Variants in CAMSAP2 observed in about 807,000 individuals in gnomAD.
CAMSAP2 encodes calmodulin regulated spectrin associated protein family member 2.
Under a neutral mutation model 146.1 loss-of-function variants are expected in CAMSAP2, and 26 were observed. The ratio of observed to expected loss-of-function variants is 0.18; its 90% CI spans 0.13 to 0.25. The LOEUF (loss-of-function observed/expected upper bound fraction) is 0.25. Among genes scored for constraint, CAMSAP2 ranks in the 10% least tolerant of loss-of-function variants. The pLI is 1.00. For synonymous variants in CAMSAP2, 499 were observed against 596.6 expected (o/e 0.84, Z 2.38); for missense variants, 1,381 against 1,759.3 (o/e 0.78, Z 3.85).
chr1:200,794,565 A>T (rs1665833541), intron 2 of CAMSAP2, among the ~76,000 whole-genome samples: 1 of 152,194 alleles, frequency 6.6e-6, no homozygotes, highest in South Asian at 2.1e-4. Flanking sequence ...GTTCTTACTG[A>T]TATCTCCATA....
chr1:200,842,858 T>C (rs181766984), intron 7 of CAMSAP2, among the ~76,000 whole-genome samples: 425 of 151,584 alleles, frequency 2.8e-3, no homozygotes, highest in African/African-American at 9.5e-3. Context: ...TGCCTGTAAT[T>C]CCAGCTACTC....
chr1:200,794,836 A>G (rs1665843262), intron 2 of CAMSAP2, among the ~76,000 whole-genome samples: 1 of 152,254 alleles, frequency 6.6e-6, no homozygotes, highest in South Asian at 2.1e-4. Context: ...ACCTCCAGCC[A>G]TGTTGATGAG....
intron 10 of CAMSAP2, 34 bp downstream of exon 10, chr1:200,847,743 A>G: frequency 6.5e-7 from 1 of 1,529,586 alleles, no homozygotes; most frequent in Non-Finnish European, 9.0e-7. Flanking sequence ...GTGTATTCAG[A>G]TTATTAAGAA....
At chr1:200,842,863 C>G (rs1043072349) in intron 7 of CAMSAP2, among the ~76,000 whole-genome samples, 3 of 151,720 alleles carry the variant, frequency 2.0e-5, no homozygotes, top group Non-Finnish European at 2.9e-5. Flanking sequence ...GTAATTCCAG[C>G]TACTCGGGAG....
chr1:200,755,827 A>G (rs1416365207), intron 1 of CAMSAP2, among the ~76,000 whole-genome samples: 1 of 152,242 alleles, frequency 6.6e-6, no homozygotes, highest in Non-Finnish European at 1.5e-5. Flanking sequence ...GGATAGTAAT[A>G]GTTGTTATCT....
chr1:200,857,380 T>C lies in CAMSAP2; in HGVS notation c.4087T>C (p.Leu1363=), dbSNP rs1242190671. ...IIQNALAHCC[L]AGKVNEGQKK... is the part of the protein sequence containing the mutation. ...ACAAAATGCTTTAGCTCATTGCTGT[T>C]TGGCTGGAAAAGTAAATGAAGGTCA... is the stretch of plus-strand genomic sequence containing the variant. The change falls in exon 16 of 17, where the codon TTG becomes CTG. Residue 1363 remains leucine, a synonymous_variant. Coordinates refer to ENST00000358823, the MANE Select transcript of CAMSAP2 (RefSeq NM_203459.4). This position sits in a 1 kb window ranked among gnomAD's most constrained non-coding sequence, Gnocchi z 4.7. 7 of 1,613,622 alleles carry C rather than the reference T, an allele frequency of 4.3e-6. No homozygotes were observed. The highest frequency in any genetic ancestry group is 2.2e-5 in the East Asian group (1 of 44,828).
chr1:200,834,728 A>G (rs779120338), intron 6 of CAMSAP2, among the ~76,000 whole-genome samples: 2 of 152,224 alleles, frequency 1.3e-5, no homozygotes, highest in Non-Finnish European at 2.9e-5. Context: ...GGCCTGGGCA[A>G]CATAGTGAGA....
At chr1:200,840,539 C>T (rs901568160) in intron 6 of CAMSAP2, among the ~76,000 whole-genome samples, 2 of 152,200 alleles carry the variant, frequency 1.3e-5, no homozygotes, top group South Asian at 2.1e-4. Context: ...ACTGGGATTA[C>T]AGGCATGAGC....
rs752181963 is a variant in CAMSAP2, at chr1:200,848,498, A to G, written c.1729A>G (p.Ile577Val). The G allele has an allele frequency of 6.2e-7, 1 of 1,613,834 alleles. No homozygotes were observed. The highest frequency in any genetic ancestry group is 8.5e-7 in the Non-Finnish European group (1 of 1,179,894). The change falls in exon 11 of 17, where the codon ATC (isoleucine) becomes GTC (valine). Residue 577 changes from isoleucine (I) to valine (V), a missense_variant. Coordinates refer to ENST00000358823, the MANE Select transcript of CAMSAP2 (RefSeq NM_203459.4). ...GFFLHSQEMS[I>V]LNSNIKLNQS... ...CTTTCTTCATAGTCAAGAAATGAGTATCTTAAATTCAAATATCAAGTTAAA... is the reference window on the plus strand; with the variant it reads ...CTTTCTTCATAGTCAAGAAATGAGTGTCTTAAATTCAAATATCAAGTTAAA...
At chr1:200,786,528 C>T (rs941011344) in intron 2 of CAMSAP2, among the ~76,000 whole-genome samples, 4 of 152,018 alleles carry the variant, frequency 2.6e-5, no homozygotes, top group Non-Finnish European at 5.9e-5. Context: ...GAATTATAGG[C>T]GCCCACCACC....
intron 3 of CAMSAP2, among the ~76,000 whole-genome samples, chr1:200,812,900 C>A (rs1666371146): frequency 6.6e-6 from 1 of 152,136 alleles, no homozygotes; most frequent in African/African-American, 2.4e-5. Flanking sequence ...AGTATTTTTC[C>A]TACCACAGGG....
At chr1:200,819,247 G>A (rs956973696) in intron 4 of CAMSAP2, among the ~76,000 whole-genome samples, 6 of 152,122 alleles carry the variant, frequency 3.9e-5, no homozygotes, top group Non-Finnish European at 8.8e-5. Flanking sequence ...AAAATGTTTT[G>A]TTTAAACAGT....
chr1:200,835,212 C>G (rs1221045313), intron 6 of CAMSAP2, among the ~76,000 whole-genome samples: 1 of 152,046 alleles, frequency 6.6e-6, no homozygotes. Flanking sequence ...GAACAAAGCC[C>G]TAATTTAAGA....
intron 4 of CAMSAP2, among the ~76,000 whole-genome samples, chr1:200,816,203 G>A (rs1030053642): frequency 3.3e-5 from 5 of 151,874 alleles, no homozygotes; most frequent in South Asian, 2.1e-4. Flanking sequence ...CAGGAGAATC[G>A]CTTAAACTCA....
Position 200,856,115 on chromosome 1 carries a change from A to C in CAMSAP2, c.4002A>C (p.Thr1334=), listed in dbSNP as rs1216428898. 1 of 1,602,346 alleles carries C rather than the reference A, an allele frequency of 6.2e-7. No homozygotes were observed. The highest frequency in any genetic ancestry group is 2.2e-5 in the East Asian group (1 of 44,824). The part of the protein sequence containing the change: ...ASTTSSVASG[T]EYTGPKLYKE... ...CAACTTCTTCAGTGGCTTCTGGAAC[A>C]GAATATACAGGTTAGTGTCTATACA... The change falls in exon 15 of 17, where the codon ACA becomes ACC. Residue 1334 remains threonine (T), a synonymous_variant. Transcript: ENST00000358823.
intron 2 of CAMSAP2, among the ~76,000 whole-genome samples, chr1:200,798,122 T>C (rs1442388453): frequency 6.0e-5 from 9 of 149,774 alleles, no homozygotes; most frequent in African/African-American, 2.2e-4. Context: ...TCCAGCTTTG[T>C]TCTTTTGGCT....
chr1:200,741,868 G>C (rs1265379461), intron 1 of CAMSAP2, among the ~76,000 whole-genome samples: 1 of 152,292 alleles, frequency 6.6e-6, no homozygotes, highest in East Asian at 1.9e-4. Context: ...CTCTGATGTA[G>C]GTAGTGTGTT....
At chr1:200,846,965 A>T (rs953106319) in intron 8 of CAMSAP2, among the ~76,000 whole-genome samples, 4 of 152,210 alleles carry the variant, frequency 2.6e-5, no homozygotes. Flanking sequence ...AAAATAATTC[A>T]TATCTCACAA....
At chr1:200,828,382 A>C (rs1666956910) in intron 4 of CAMSAP2, among the ~76,000 whole-genome samples, 1 of 152,224 alleles carries the variant, frequency 6.6e-6, no homozygotes, top group African/African-American at 2.4e-5. Flanking sequence ...AGGAGAAGAT[A>C]GTGGTCTTTA....
Sources: gnomAD v4.1 joint callset for allele counts (sites outside exome capture counted in the v4.1 genomes callset) on GRCh38, gnomAD v4.1.1 for gene constraint, Gnocchi (gnomAD v3.1) non-coding constraint, MANE v1.5 for transcripts, NCBI Gene and HGNC (gene_info 2026-07-23, HGNC 2026-07-21) for gene names.